Variants in COL17A1 observed in about 807,000 individuals in gnomAD.
COL17A1 encodes the protein collagen type XVII alpha 1 chain.
A neutral mutation model predicts 218.4 loss-of-function variants in COL17A1; 181 were observed. The ratio of observed to expected loss-of-function variants is 0.83; its 90% CI spans 0.73 to 0.94. The LOEUF is 0.94. Among genes scored for constraint, COL17A1 ranks in the 40% least tolerant of loss-of-function variants. COL17A1 has a pLI of 0.00. For synonymous variants in COL17A1, 721 were observed against 731.0 expected (o/e 0.99, Z 0.22); for missense variants, 1,924 against 1,945.9 (o/e 0.99, Z 0.21).
chr10:104,052,658 G>T (rs2086481339), intron 23 of COL17A1, among the ~76,000 whole-genome samples: 1 of 152,040 alleles, frequency 6.6e-6, no homozygotes. Flanking sequence ...CCTCCTTCCA[G>T]CTAGGAAAGG....
intron 48 of COL17A1, 144 bp downstream of exon 48, chr10:104,036,348 A>C: frequency 8.2e-7 from 1 of 1,220,002 alleles, no homozygotes; most frequent in South Asian, 1.3e-5. Flanking sequence ...ACAGGTTTGA[A>C]CGGCTCTGAG....
chr10:104,076,654 A>C (rs1416481854), intron 4 of COL17A1, among the ~76,000 whole-genome samples: 1 of 152,182 alleles, frequency 6.6e-6, no homozygotes, highest in Non-Finnish European at 1.5e-5. Context: ...TGGAAATGGA[A>C]AGGATTTGGC....
chr10:104,043,605 C>A, intron 34 of COL17A1, 24 bp from the exon 35 acceptor site: 1 of 1,613,170 alleles, frequency 6.2e-7, no homozygotes, highest in East Asian at 2.2e-5. Flanking sequence ...GCACATGGAA[C>A]ATTGAGCCCT....
intron 20 of COL17A1, among the ~76,000 whole-genome samples, 196 bp downstream of exon 20, chr10:104,054,785 C>T (rs960378636): frequency 7.2e-5 from 11 of 152,184 alleles, no homozygotes; most frequent in African/African-American, 2.7e-4. Flanking sequence ...CAATCCCGGT[C>T]AGCTGGACCA....
chr10:104,044,813 C>T (rs904422856), intron 33 of COL17A1, among the ~76,000 whole-genome samples: 1 of 152,144 alleles, frequency 6.6e-6, no homozygotes, highest in Non-Finnish European at 1.5e-5. Context: ...AATTCCAAAA[C>T]CTATGAGACT....
At chr10:104,045,185 C>T (rs1311091857) in intron 33 of COL17A1, among the ~76,000 whole-genome samples, 1 of 152,180 alleles carries the variant, frequency 6.6e-6, no homozygotes, top group East Asian at 1.9e-4. Context: ...GCATGGGCAT[C>T]ACCACATTGC....
chr10:104,058,089 T>C, intron 16 of COL17A1, 57 bp downstream of exon 16: 4 of 1,611,118 alleles, frequency 2.5e-6, no homozygotes, highest in Non-Finnish European at 3.4e-6. Context: ...TCTGGTCCAT[T>C]AGCCATAAGC....
chr10:104,076,023 A>G (rs1179175886), intron 5 of COL17A1, among the ~76,000 whole-genome samples: 1 of 152,266 alleles, frequency 6.6e-6, no homozygotes, highest in Non-Finnish European at 1.5e-5. Context: ...GATTCATTTA[A>G]GCATTCGTCA....
chr10:104,059,576 A>T, intron 15 of COL17A1, 62 bp downstream of exon 15: 1 of 1,475,586 alleles, frequency 6.8e-7, no homozygotes, highest in Non-Finnish European at 9.5e-7. Flanking sequence ...GTCTCCGAAG[A>T]CAATGAAATG....
At chr10:104,071,024 T>C (rs1419964681) in intron 8 of COL17A1, among the ~76,000 whole-genome samples, 2 of 152,180 alleles carry the variant, frequency 1.3e-5, no homozygotes, top group Admixed American at 1.3e-4. Flanking sequence ...GGGCCATAAC[T>C]CCTAAATATT....
rs1445744648 is a variant in COL17A1, at chr10:104,047,751, G to A, written c.2323C>T (p.Pro775Ser). Residue 775 changes from proline (P) to serine (S), a missense_variant, in exon 31 of 56, where the codon CCA becomes TCA. Pro to Ser is a moderately conservative substitution (Grantham distance 74). Coordinates refer to ENST00000648076, the MANE Select transcript of COL17A1 (RefSeq NM_000494.4). Reference sequence around the variant, plus strand: ...CCTGCTCTGTTACCTGGCTTTCCTGGGTCTCCAGAAGGTCCTGGTGGGCCA... The same window carrying A: ...CCTGCTCTGTTACCTGGCTTTCCTGAGTCTCCAGAAGGTCCTGGTGGGCCA... ...IRGPPGPSGD[P>S]GKPGLTGPQG... is the part of the protein sequence containing the mutation. 6.2e-7 allele frequency: 1 copy of A among 1,614,068 alleles called. No individual in the cohort carries two copies. The highest frequency in any genetic ancestry group is 8.5e-7 in the Non-Finnish European group (1 of 1,179,984).
rs757850087 is a variant in COL17A1, at chr10:104,060,146, T to C, written c.1114A>G (p.Thr372Ala). The C allele has an allele frequency of 3.7e-6, 6 of 1,614,110 alleles. No individual in the cohort carries two copies. The highest frequency in any genetic ancestry group is 5.1e-6 in the Non-Finnish European group (6 of 1,180,028). ...GCAGCGATGCTGGCAGGGGAGGCTGTAAAGACCTTCCCGCTGTCCTTGGTC... is the reference window on the plus strand; with the variant it reads ...GCAGCGATGCTGGCAGGGGAGGCTGCAAAGACCTTCCCGCTGTCCTTGGTC... ...IMTKDSGKVF[T>A]ASPASIAATS... Residue 372 changes from threonine (T) to alanine (A), a missense_variant, in exon 14 of 56, where the codon ACA becomes GCA. By Grantham distance (58) the Thr-to-Ala change is moderately conservative. Transcript: ENST00000648076.
intron 14 of COL17A1, 86 bp from the exon 15 acceptor site, chr10:104,059,804 C>T: frequency 7.2e-7 from 1 of 1,390,754 alleles, no homozygotes; most frequent in Admixed American, 1.7e-5. Context: ...TTGCCCACTA[C>T]CCTGCTTGGG....
chr10:104,055,252 A>G, intron 19 of COL17A1, 120 bp downstream of exon 19: 1 of 1,542,252 alleles, frequency 6.5e-7, no homozygotes, highest in Non-Finnish European at 9.0e-7. Context: ...AGATACCATA[A>G]GATCATTCAG....
intron 5 of COL17A1, among the ~76,000 whole-genome samples, chr10:104,074,707 C>T (rs2086695446): frequency 6.6e-6 from 1 of 152,212 alleles, no homozygotes; most frequent in Non-Finnish European, 1.5e-5. Context: ...TGATGCAATC[C>T]ACCTCACCTG....
intron 47 of COL17A1, 86 bp downstream of exon 47, chr10:104,036,959 T>C: frequency 7.8e-7 from 1 of 1,273,988 alleles, no homozygotes; most frequent in Non-Finnish European, 1.1e-6. Flanking sequence ...CTTCCAAGGC[T>C]CAGACGAGGA....
chr10:104,062,368 C>T (rs368845928), intron 11 of COL17A1, 39 bp from the exon 12 acceptor site: 25 of 1,613,810 alleles, frequency 1.5e-5, no homozygotes, highest in Admixed American at 1.3e-4. Context: ...ACAGGGAGCA[C>T]GGGGGATGCC....
chr10:104,045,782 T>C lies in COL17A1; in HGVS notation c.2374A>G (p.Thr792Ala), dbSNP rs779114821. The C allele has an allele frequency of 7.4e-6, 12 of 1,612,714 alleles. No homozygotes were observed. Among genetic ancestry groups the C allele is most frequent in the Non-Finnish European group, 1.0e-5 (12 of 1,178,672 alleles). The change falls in exon 33 of 56, where the codon ACC becomes GCC. Residue 792 changes from threonine (T) to alanine (A), a missense_variant. Thr to Ala is a moderately conservative substitution (Grantham distance 58). Coordinates refer to ENST00000648076, the MANE Select transcript of COL17A1 (RefSeq NM_000494.4). Reference protein sequence around the residue: ...GPQGPQGLPGTPGRPGIKGEP... With the variant: ...GPQGPQGLPGAPGRPGIKGEP... ...CCTTTTATTCCTGGTCGGCCAGGGG[T>C]ACCGGGAAGTCCTGATGTGATTAGA...
intron 1 of COL17A1, among the ~76,000 whole-genome samples, chr10:104,083,430 C>G (rs1241501472): frequency 6.6e-6 from 1 of 152,202 alleles, no homozygotes; most frequent in African/African-American, 2.4e-5. Context: ...CATTCAAGCT[C>G]TCAATTCCAA....
Sources: allele counts gnomAD v4.1 joint callset (sites outside exome capture counted in the v4.1 genomes callset), GRCh38; gene constraint gnomAD v4.1.1; transcripts MANE v1.5; gene names NCBI Gene and HGNC (gene_info 2026-07-23, HGNC 2026-07-21).